RLF: variants seen among roughly 807,000 people sequenced by gnomAD.
The protein encoded by RLF is RLF zinc finger.
In RLF, 7 loss-of-function variants were observed where a neutral mutation model predicts 162.9. The ratio of observed to expected loss-of-function variants is 0.04; its 90% confidence interval spans 0.02 to 0.08. The LOEUF (loss-of-function observed/expected upper bound fraction) is 0.08, where lower values mean the gene tolerates loss of function less well. Ranked by LOEUF, RLF falls within the 10% of genes least tolerant of loss-of-function variation. The pLI is 1.00. For synonymous variants in RLF, 782 were observed against 791.5 expected (o/e 0.99, Z 0.20); for missense variants, 1,664 against 2,244.7 (o/e 0.74, Z 5.23).
chr1:40,189,358 C>T, intron 2 of RLF, 149 bp downstream of exon 2: 1 of 612,488 alleles, frequency 1.6e-6, no homozygotes, highest in Admixed American at 3.3e-5. Flanking sequence ...ACTCACGTTC[C>T]CAGGAGATAT....
chr1:40,182,634 A>G lies in RLF; in HGVS notation c.238-6421A>G, dbSNP rs191035873. ...TGAAAATGAAATAAAACTAGAAAGC[A>G]TAGTTAAATCCTGTGGCAGAATCGG... On this transcript the variant is annotated intron_variant, in intron 1 of 7. Transcript: ENST00000372771. Among the ~76,000 whole-genome samples the G allele has an allele frequency of 1.2e-3, 181 of 152,296 alleles. No individual in the cohort carries two copies. In the South Asian group the frequency reaches 0.019, roughly 16 times the overall value.
intron 1 of RLF, among the ~76,000 whole-genome samples, chr1:40,167,171 G>T (rs1003673541): frequency 2.6e-5 from 4 of 152,150 alleles, no homozygotes; most frequent in African/African-American, 9.7e-5. Flanking sequence ...GCCTAGTATT[G>T]AGGAAGAGTA....
chr1:40,191,121 A>G (rs1302354533), intron 3 of RLF, among the ~76,000 whole-genome samples: 5 of 152,258 alleles, frequency 3.3e-5, no homozygotes, highest in Admixed American at 2.6e-4. Flanking sequence ...AAGCTATCAA[A>G]ATCATACATG....
chr1:40,235,810 G>A lies in RLF; in HGVS notation c.1108G>A (p.Gly370Arg). The A allele has an allele frequency of 5.0e-6, 8 of 1,591,858 alleles. No homozygotes were observed. The highest frequency in any genetic ancestry group is 6.8e-6 in the Non-Finnish European group (8 of 1,170,870). Reference protein sequence around the residue: ...IQTEAQDAGLGVSILLCVRAL... With the variant: ...IQTEAQDAGLRVSILLCVRAL... ...CTTACAGGCACAAGATGCTGGTCTT[G>A]GGGTGTCAATTTTACTGTGTGTCAG... Residue 370 changes from glycine to arginine, a missense_variant, in exon 8 of 8, where the codon GGG (glycine) becomes AGG (arginine). By Grantham distance (125) the Gly-to-Arg change is moderately radical. This residue lies in a region of RLF where 287 missense variants were observed against 404.9 expected (regional missense o/e 0.71). Transcript: ENST00000372771.
In RLF at chr1:40,189,151, C is replaced by T. The variant is rs1346414728; in HGVS notation, c.334C>T (p.Arg112Cys). Residue 112 changes from arginine to cysteine, a missense_variant, in exon 2 of 8, where the codon CGT becomes TGT. This residue lies in a region of RLF where 287 missense variants were observed against 404.9 expected (regional missense o/e 0.71). Coordinates refer to ENST00000372771, the MANE Select transcript of RLF (RefSeq NM_012421.4). ...RLAIQSFASA[R>C]PYLTTECEDV... ...TGCCATCCAAAGCTTTGCCAGTGCA[C>T]GTCCATACTTAACTACTGAATGTGA... 2 of 1,613,766 alleles carry T rather than the reference C, an allele frequency of 1.2e-6. No homozygotes were observed. Among genetic ancestry groups the T allele is most frequent in the Non-Finnish European group, 8.5e-7 (1 of 1,179,726 alleles).
In RLF at chr1:40,238,701, T is replaced by C; in HGVS notation, c.3999T>C (p.Thr1333=). 1 of 1,613,882 alleles carries C rather than the reference T, an allele frequency of 6.2e-7. No individual in the cohort carries two copies. Among genetic ancestry groups the C allele is most frequent in the South Asian group, 1.1e-5 (1 of 91,066 alleles). Residue 1333 remains threonine (T), a synonymous_variant, in exon 8 of 8, where the codon ACT becomes ACC. Coordinates refer to ENST00000372771, the MANE Select transcript of RLF (RefSeq NM_012421.4). This position sits in a 1 kb window ranked among gnomAD's most constrained non-coding sequence, Gnocchi z 5.2. ...AAGGCTTAATTCGCCATTACAGAAC[T>C]GTACATCAGTACAACAAAGAACAGT... ...NLKGLIRHYR[T]VHQYNKEQLC...
chr1:40,173,073 G>GTTTTTTTTTTT (rs765020752), intron 1 of RLF, among the ~76,000 whole-genome samples: 3 of 129,010 alleles, frequency 2.3e-5, no homozygotes, highest in African/African-American at 9.6e-5. Flanking sequence ...TAACATTCAG[G>GTTTTTTTTTTT]TTTTTTTTTT....
At position 40,235,812 on chromosome 1, in the gene RLF, G is replaced by C. The variant is rs1643210504; in HGVS notation, c.1110G>C (p.Gly370=). The change falls in exon 8 of 8, where the codon GGG becomes GGC. Residue 370 remains glycine, a synonymous_variant. Transcript: ENST00000372771. ...TACAGGCACAAGATGCTGGTCTTGG[G>C]GTGTCAATTTTACTGTGTGTCAGAG... The part of the protein sequence containing the change: ...IQTEAQDAGL[G]VSILLCVRAL... 1 of 1,590,884 alleles carries C rather than the reference G, an allele frequency of 6.3e-7. No individual in the cohort carries two copies. Among genetic ancestry groups the C allele is most frequent in the East Asian group, 2.3e-5 (1 of 44,422 alleles).
chr1:40,221,212 A>G (rs1237953239), intron 5 of RLF, among the ~76,000 whole-genome samples: 3 of 152,060 alleles, frequency 2.0e-5, no homozygotes, highest in African/African-American at 4.8e-5. Flanking sequence ...AAATAGCCCA[A>G]TTTAAACATT....
At chr1:40,229,890 A>G (rs1274800763) in intron 6 of RLF, among the ~76,000 whole-genome samples, 1 of 152,024 alleles carries the variant, frequency 6.6e-6, no homozygotes, top group Non-Finnish European at 1.5e-5. Flanking sequence ...CGAGGCAGGC[A>G]GATCACCTGA....
chr1:40,231,161 G>T, intron 6 of RLF, among the ~76,000 whole-genome samples: 1 of 152,152 alleles, frequency 6.6e-6, no homozygotes, highest in East Asian at 1.9e-4. Context: ...GATTATTTCT[G>T]CCCATTAGGA....
rs1643248473 is a variant in RLF, at chr1:40,238,575, G to A, written c.3873G>A (p.Arg1291=). 1.2e-6 allele frequency: 2 copies of A among 1,613,760 alleles called. No homozygotes were observed. The highest frequency in any genetic ancestry group is 1.7e-6 in the Non-Finnish European group (2 of 1,180,000). ...EQEGREGRGS[R]RTVAKGNLCY... The stretch of plus-strand genomic sequence containing the variant: ...AAGGAAGAGAGGGCAGAGGTAGCAG[G>A]CGAACTGTTGCTAAAGGAAATCTGT... Residue 1291 remains arginine, a synonymous_variant, in exon 8 of 8, where the codon AGG becomes AGA. Transcript: ENST00000372771. The surrounding 1 kb of genome is among the most constrained non-coding windows in gnomAD (Gnocchi z 5.2).
intron 1 of RLF, among the ~76,000 whole-genome samples, chr1:40,171,574 A>G (rs1278196094): frequency 1.3e-5 from 2 of 152,196 alleles, no homozygotes; most frequent in Non-Finnish European, 2.9e-5. Flanking sequence ...TAAAGTAATA[A>G]AGCAGATGTA....
rs1168908018 is a variant in RLF at position 40,224,623 on chromosome 1, C to CTTTTTTTT, written c.947+1937_947+1944dup. 9.9e-4 allele frequency among the ~76,000 whole-genome samples: 33 copies of CTTTTTTTT among 33,260 alleles called. 1 individual carries two copies. The highest frequency in any genetic ancestry group is 4.1e-3 in the East Asian group (3 of 726). 21.8% of individuals were successfully genotyped at this position (33,260 alleles called of 152,430 possible). A position where few individuals can be genotyped will look rare whatever the true frequency, so the allele number is the denominator to read the frequency against. On this transcript the variant is annotated intron_variant, in intron 6 of 7. Transcript: ENST00000372771. ...TTTCCCCTTCCATTGTTTTTGAAAG[C>CTTTTTTTT]TTTTTTTTTTTTTTTTTTTTTTTTT...
chr1:40,217,958 A>C (rs1642946797), intron 5 of RLF, among the ~76,000 whole-genome samples: 1 of 152,168 alleles, frequency 6.6e-6, no homozygotes, highest in Non-Finnish European at 1.5e-5. Context: ...AAAAAAATTC[A>C]CATTGTTAAT....
In RLF at chr1:40,190,468, A is replaced by G. The variant is rs1382715697; in HGVS notation, c.393-304A>G. 3.3e-5 allele frequency among the ~76,000 whole-genome samples: 5 copies of G among 152,194 alleles called. No individual in the cohort carries two copies. The East Asian group carries it at 7.7e-4, about 23-fold the overall frequency. ...TGTCTACTGGAATTAGAATTGTCCT[A>G]TATGGGTGCCTCTTCACACCCAAAT... On this transcript the variant is annotated intron_variant, in intron 2 of 7. Transcript: ENST00000372771.
At chr1:40,196,306 T>C (rs947140039) in intron 4 of RLF, among the ~76,000 whole-genome samples, 4 of 152,146 alleles carry the variant, frequency 2.6e-5, no homozygotes, top group African/African-American at 9.7e-5. Flanking sequence ...ACTCCTGACA[T>C]TGTGATCCAC....
At chr1:40,171,895 A>G (rs1268415153) in intron 1 of RLF, among the ~76,000 whole-genome samples, 1 of 152,184 alleles carries the variant, frequency 6.6e-6, no homozygotes, top group Non-Finnish European at 1.5e-5. Flanking sequence ...ACCTTTTCCT[A>G]GGTAGACCAT....
At chr1:40,227,388 T>C (rs1643090814) in intron 6 of RLF, among the ~76,000 whole-genome samples, 1 of 152,158 alleles carries the variant, frequency 6.6e-6, no homozygotes, top group South Asian at 2.1e-4. Flanking sequence ...GAAGAACTTA[T>C]CCTAGCGCAT....
Sources: allele counts gnomAD v4.1 joint callset (sites outside exome capture counted in the v4.1 genomes callset), GRCh38; gene constraint gnomAD v4.1.1; regional missense constraint gnomAD v4.1.1; non-coding constraint Gnocchi (gnomAD v3.1); transcripts MANE v1.5; gene names NCBI Gene and HGNC (gene_info 2026-07-23, HGNC 2026-07-21).